The following TMEM131L variants were observed in gnomAD, a reference collection of about 807,000 sequenced individuals.
The protein encoded by TMEM131L is transmembrane protein 131-like.
A neutral mutation model predicts 192.2 loss-of-function variants in TMEM131L; 54 were observed. That is an observed-to-expected ratio of 0.28 (90% CI 0.23 to 0.35). The LOEUF (loss-of-function observed/expected upper bound fraction) is 0.35, where lower values mean the gene tolerates loss of function less well. TMEM131L is among the 10% of genes least tolerant of loss of function. The probability of loss-of-function intolerance (pLI) is 1.00; values close to 1 mark genes in which losing one functional copy is unlikely to be tolerated. For missense variants in TMEM131L, 1,888 were observed against 1,972.9 expected (o/e 0.96, Z 0.82); for synonymous variants, 701 against 704.9 (o/e 0.99, Z 0.09).
chr4:153,632,809 G>T lies in TMEM131L; in HGVS notation c.4299G>T (p.Val1433=). 2.5e-6 allele frequency: 4 copies of T among 1,614,146 alleles called. No homozygotes were observed. The highest frequency in any genetic ancestry group is 3.4e-6 in the Non-Finnish European group (4 of 1,180,018). Residue 1433 remains valine (V), a synonymous_variant, in exon 32 of 35, where the codon GTG becomes GTT. Coordinates refer to ENST00000409959, the MANE Select transcript of TMEM131L (RefSeq NM_001131007.2). The part of the protein sequence containing the change: ...NCTLENGVPC[V]IQESAPVHNS... ...CCCTGGAGAACGGCGTGCCTTGTGT[G>T]ATTCAGGAGTCGGCCCCGGTTCATA...
chr4:153,627,800 C>G lies in TMEM131L; in HGVS notation c.4207+113C>G, dbSNP rs570903158. On this transcript the variant is annotated intron_variant, in intron 31 of 34. Transcript: ENST00000409959. ...GGCGGGGTGGGACAGGGCCATTTCC[C>G]CACCAGCCCCTTCTGCAAGCCACAC... The G allele has an allele frequency of 5.2e-6, 4 of 762,834 alleles. No individual in the cohort carries two copies. In the East Asian group the frequency reaches 1.1e-4, roughly 21 times the overall value. 47.3% of individuals were successfully genotyped at this position (762,834 alleles called of 1,614,324 possible).
chr4:153,593,445 C>T (rs1731209997), intron 18 of TMEM131L, among the ~76,000 whole-genome samples: 1 of 152,074 alleles, frequency 6.6e-6, no homozygotes, highest in Non-Finnish European at 1.5e-5. Flanking sequence ...CAGTGTTTCC[C>T]GTGGGATAAA....
Position 153,632,455 on chromosome 4 carries a change from C to G in TMEM131L, c.4208-263C>G, listed in dbSNP as rs1341479688. The G allele has an allele frequency of 7.0e-6, 3 of 426,916 alleles. No homozygotes were observed. In the Admixed American group the frequency reaches 1.2e-4, roughly 17 times the overall value. The allele number at this position is 426,916 out of a possible 1,614,324, so 26.4% of individuals were successfully genotyped here. A position where few individuals can be genotyped will look rare whatever the true frequency, so the allele number is the denominator to read the frequency against. The stretch of plus-strand genomic sequence containing the variant: ...CCTCAGTATCTTTAATGGGGCCTTG[C>G]AGAAAGTAGTTCCTCAAATATTTGT... On this transcript the variant is annotated intron_variant, in intron 31 of 34. Transcript: ENST00000409959.
Position 153,632,756 on chromosome 4 carries a change from G to T in TMEM131L, c.4246G>T (p.Val1416Leu). The T allele has an allele frequency of 6.2e-7, 1 of 1,614,112 alleles. No individual in the cohort carries two copies. Among genetic ancestry groups the T allele is most frequent in the East Asian group, 2.2e-5 (1 of 44,882 alleles). ...SPGDLWPTPP[V>L]CVTSSLNCTL... ...TGGAGACCTGTGGCCCACTCCGCCA[G>T]TGTGTGTGACAAGCAGCTTAAACTG... Residue 1416 changes from valine to leucine, a missense_variant, in exon 32 of 35, where the codon GTG becomes TTG. Physicochemically the swap from Val to Leu is conservative, Grantham distance 32. Coordinates refer to ENST00000409959, the MANE Select transcript of TMEM131L (RefSeq NM_001131007.2).
intron 1 of TMEM131L, among the ~76,000 whole-genome samples, chr4:153,466,852 G>T (rs1730788000): frequency 6.6e-6 from 1 of 152,206 alleles, no homozygotes; most frequent in South Asian, 2.1e-4. Context: ...GCAGCGGCCC[G>T]GCTTCCTGCA....
intron 4 of TMEM131L, among the ~76,000 whole-genome samples, chr4:153,551,631 C>T (rs1456741151): frequency 6.6e-6 from 1 of 151,716 alleles, no homozygotes; most frequent in Non-Finnish European, 1.5e-5. Context: ...GCTGGGATTA[C>T]AGGCATGAGC....
chr4:153,563,451 G>A (rs956445392), intron 7 of TMEM131L, among the ~76,000 whole-genome samples: 2 of 128,640 alleles, frequency 1.6e-5, no homozygotes, highest in Middle Eastern at 4.4e-3. Flanking sequence ...AAACGGATAT[G>A]TACCCTTTTT....
rs775564419 is a variant in TMEM131L, at chr4:153,636,385, A to G, written c.4642A>G (p.Asn1548Asp). The G allele has an allele frequency of 1.2e-6, 2 of 1,614,136 alleles. No homozygotes were observed. The highest frequency in any genetic ancestry group is 2.2e-5 in the East Asian group (1 of 44,880). ...GGCCCCGCAAAGCGATGTGTATGAA[A>G]ATTGCTGCCCCATCAACCCCACCAC... is the stretch of plus-strand genomic sequence containing the variant. ...IWAPQSDVYE[N>D]CCPINPTTEH... Residue 1548 changes from asparagine (N) to aspartate (D), a missense_variant, in exon 35 of 35, where the codon AAT becomes GAT. Physicochemically the swap from Asn to Asp is conservative, Grantham distance 23. Coordinates refer to ENST00000409959, the MANE Select transcript of TMEM131L (RefSeq NM_001131007.2).
intron 3 of TMEM131L, among the ~76,000 whole-genome samples, chr4:153,509,091 T>C (rs1430152160): frequency 2.0e-5 from 3 of 152,120 alleles, no homozygotes; most frequent in African/African-American, 7.2e-5. Context: ...ATACCTGTTA[T>C]CCCAGCACTT....
At chr4:153,597,926 C>G (rs1731557473) in intron 20 of TMEM131L, among the ~76,000 whole-genome samples, 1 of 152,042 alleles carries the variant, frequency 6.6e-6, no homozygotes, top group Non-Finnish European at 1.5e-5. Flanking sequence ...GAGCAACATC[C>G]TATCTCCTAG....
chr4:153,620,660 C>A, intron 26 of TMEM131L, 96 bp from the exon 27 acceptor site: 1 of 715,930 alleles, frequency 1.4e-6, no homozygotes, highest in Non-Finnish European at 2.2e-6. Context: ...AGCACTGGGA[C>A]ATTCTGAATT....
chr4:153,633,695 A>C (rs569028478), intron 32 of TMEM131L, among the ~76,000 whole-genome samples: 1 of 152,346 alleles, frequency 6.6e-6, no homozygotes, highest in East Asian at 1.9e-4. Flanking sequence ...TTCTTGGTTC[A>C]GCTTATTACA....
In TMEM131L at chr4:153,585,578, G is replaced by T; in HGVS notation, c.1278G>T (p.Val426=). The part of the protein sequence containing the change: ...HFDRSVVLND[V]FLSKETKHML... ...ACCGTAGTGTTGTATTAAATGATGTGTTTCTTTCCAAGGAGACCAAGCACA... is the reference window on the plus strand; with the variant it reads ...ACCGTAGTGTTGTATTAAATGATGTTTTTCTTTCCAAGGAGACCAAGCACA... Residue 426 remains valine, a synonymous_variant, in exon 13 of 35, where the codon GTG becomes GTT. Coordinates refer to ENST00000409959, the MANE Select transcript of TMEM131L (RefSeq NM_001131007.2). 6.2e-7 allele frequency: 1 copy of T among 1,613,692 alleles called. No homozygotes were observed. Among genetic ancestry groups the T allele is most frequent in the Non-Finnish European group, 8.5e-7 (1 of 1,179,820 alleles).
intron 27 of TMEM131L, 119 bp downstream of exon 27, chr4:153,620,999 A>G: frequency 1.5e-6 from 1 of 688,698 alleles, no homozygotes; most frequent in Non-Finnish European, 2.5e-6. Context: ...ATGAGAGTGT[A>G]AATGTTTATC....
In TMEM131L at chr4:153,636,698, ATTTT is replaced by A. The variant is rs1396365603; in HGVS notation, c.*125_*128del. The A allele has an allele frequency of 2.1e-6, 2 of 959,162 alleles. No individual in the cohort carries two copies. The highest frequency in any genetic ancestry group is 3.0e-6 in the Non-Finnish European group (2 of 660,438). The allele number at this position is 959,162 out of a possible 1,614,324, so 59.4% of individuals were successfully genotyped here. On this transcript the variant is annotated 3_prime_UTR_variant, in exon 35 of 35. Transcript: ENST00000409959. ...TTTTGGCACTTTTATATGAAAATAAATTTTTTAATGAAATCTGGGTGCTCTGTTT... is the reference window on the plus strand; with the variant it reads ...TTTTGGCACTTTTATATGAAAATAAATTAATGAAATCTGGGTGCTCTGTTT...
At chr4:153,547,828 A>T (rs1580187122) in intron 3 of TMEM131L, among the ~76,000 whole-genome samples, 1 of 152,194 alleles carries the variant, frequency 6.6e-6, no homozygotes, top group South Asian at 2.1e-4. Flanking sequence ...TCTGCCTTTT[A>T]GTAGCTATGT....
chr4:153,544,798 G>C (rs1214197296), intron 3 of TMEM131L, among the ~76,000 whole-genome samples: 1 of 152,144 alleles, frequency 6.6e-6, no homozygotes, highest in Non-Finnish European at 1.5e-5. Flanking sequence ...TTGATCGTGG[G>C]CATATGAGGC....
At chr4:153,623,837 G>A (rs1050938625) in intron 29 of TMEM131L, among the ~76,000 whole-genome samples, 4 of 151,750 alleles carry the variant, frequency 2.6e-5, no homozygotes, top group Non-Finnish European at 4.4e-5. Context: ...ATGTCGGAGA[G>A]GTCACAGAAG....
In TMEM131L at chr4:153,581,013, G is replaced by A. The variant is rs929511378; in HGVS notation, c.738+110G>A. 4 of 722,850 alleles carry A rather than the reference G, an allele frequency of 5.5e-6. No individual in the cohort carries two copies. The African/African-American group carries it at 7.2e-5, about 13-fold the overall frequency. 44.8% of individuals were successfully genotyped at this position (722,850 alleles called of 1,614,324 possible). A position where few individuals can be genotyped will look rare whatever the true frequency, so the allele number is the denominator to read the frequency against. On this transcript the variant is annotated intron_variant, in intron 8 of 34. Coordinates refer to ENST00000409959, the MANE Select transcript of TMEM131L (RefSeq NM_001131007.2). ...TCATGCCTGTAATCCCAGCACTTTG[G>A]GAGGCCGAGGCGAGTGGATCACGAG... is the stretch of plus-strand genomic sequence containing the variant.
Sources: allele counts gnomAD v4.1 joint callset (sites outside exome capture counted in the v4.1 genomes callset), GRCh38; gene constraint gnomAD v4.1.1; transcripts MANE v1.5; gene names NCBI Gene and HGNC (gene_info 2026-07-23, HGNC 2026-07-21).